Variants in ST8SIA2 observed in about 807,000 individuals in gnomAD.
ST8SIA2 encodes the protein ST8 alpha-N-acetyl-neuraminide alpha-2,8-sialyltransferase 2.
ST8SIA2 carries 22 observed loss-of-function variants against 37.6 expected under a neutral mutation model. That is an observed-to-expected ratio of 0.58 (90% confidence interval 0.42 to 0.83). The LOEUF (loss-of-function observed/expected upper bound fraction) is 0.83, where lower values mean the gene tolerates loss of function less well. ST8SIA2 is among the 40% of genes least tolerant of loss of function. ST8SIA2 has a pLI of 0.00. For synonymous variants in ST8SIA2, 205 were observed against 201.2 expected (o/e 1.02, Z -0.16); for missense variants, 382 against 484.7 (o/e 0.79, Z 1.99).
chr15:92,397,629 G>A (rs539669477), intron 1 of ST8SIA2, among the ~76,000 whole-genome samples: 2 of 152,118 alleles, frequency 1.3e-5, no homozygotes, highest in Non-Finnish European at 1.5e-5. Context: ...GATCCAATTC[G>A]ACCAAGTTGT....
At chr15:92,398,330 T>C (rs2049446926) in intron 1 of ST8SIA2, among the ~76,000 whole-genome samples, 1 of 152,220 alleles carries the variant, frequency 6.6e-6, no homozygotes, top group South Asian at 2.1e-4. Flanking sequence ...AGGTCTCCTC[T>C]TTTGTAACCC....
chr15:92,441,145 C>T (rs907685528), intron 4 of ST8SIA2, among the ~76,000 whole-genome samples: 1 of 152,196 alleles, frequency 6.6e-6, no homozygotes, highest in African/African-American at 2.4e-5. Flanking sequence ...GGGAGAAACA[C>T]AAAGACACGC....
At chr15:92,450,777 G>T (rs1357765266) in intron 5 of ST8SIA2, among the ~76,000 whole-genome samples, 4 of 152,130 alleles carry the variant, frequency 2.6e-5, no homozygotes. Context: ...GATTTGGTGG[G>T]GACACAGATC....
intron 5 of ST8SIA2, among the ~76,000 whole-genome samples, chr15:92,451,049 G>T (rs894615487): frequency 1.3e-5 from 2 of 152,178 alleles, no homozygotes; most frequent in African/African-American, 4.8e-5. Flanking sequence ...ACAGTTTAGG[G>T]AATTGAAGGG....
intron 1 of ST8SIA2, among the ~76,000 whole-genome samples, chr15:92,418,987 C>T (rs2049610277): frequency 1.3e-5 from 2 of 152,080 alleles, no homozygotes; most frequent in African/African-American, 2.4e-5. Context: ...GTCTCTTAGC[C>T]GCAGCATGTT....
chr15:92,401,842 T>G (rs1009680730), intron 1 of ST8SIA2, among the ~76,000 whole-genome samples: 1 of 149,736 alleles, frequency 6.7e-6, no homozygotes. Flanking sequence ...GGCCAAAGGA[T>G]GAAAGAACCC....
intron 5 of ST8SIA2, among the ~76,000 whole-genome samples, chr15:92,451,187 C>T (rs564654454): frequency 6.6e-6 from 1 of 152,310 alleles, no homozygotes; most frequent in East Asian, 1.9e-4. Flanking sequence ...AGGAACTGAA[C>T]TGCATTCTCT....
chr15:92,439,154 CA>C (rs1188657281), intron 4 of ST8SIA2, among the ~76,000 whole-genome samples: 2 of 152,160 alleles, frequency 1.3e-5, no homozygotes, highest in East Asian at 3.9e-4. Flanking sequence ...GAGCCTGGTA[CA>C]AAAGGTTGGT....
chr15:92,430,016 G>C (rs1183092003), intron 1 of ST8SIA2, 33 bp from the exon 2 acceptor site: 18 of 1,613,072 alleles, frequency 1.1e-5, no homozygotes, highest in Admixed American at 5.0e-5. Flanking sequence ...GATGAGCTGG[G>C]TTTATAAATA....
intron 1 of ST8SIA2, among the ~76,000 whole-genome samples, chr15:92,417,865 T>G (rs543078428): frequency 8.5e-5 from 13 of 152,330 alleles, no homozygotes; most frequent in Non-Finnish European, 1.8e-4. Context: ...TAGTGTAATG[T>G]GAGCGGAGAG....
At chr15:92,402,399 T>A (rs1024647259) in intron 1 of ST8SIA2, among the ~76,000 whole-genome samples, 1 of 152,198 alleles carries the variant, frequency 6.6e-6, no homozygotes, top group African/African-American at 2.4e-5. Flanking sequence ...TTTTACAGAT[T>A]AGTGAACTGA....
At chr15:92,432,625 G>A (rs1190955944) in intron 2 of ST8SIA2, among the ~76,000 whole-genome samples, 1 of 152,104 alleles carries the variant, frequency 6.6e-6, no homozygotes, top group Non-Finnish European at 1.5e-5. Flanking sequence ...GTACCCTCTC[G>A]GAAGCTCCCT....
rs137946430 is a variant in ST8SIA2, at chr15:92,468,051, G to A, written c.*3666G>A. 2 of 152,282 alleles carry A rather than the reference G, an allele frequency of 1.3e-5. No homozygotes were observed. The highest frequency in any genetic ancestry group is 4.8e-5 in the African/African-American group (2 of 41,532). 9.4% of individuals were successfully genotyped at this position (152,282 alleles called of 1,614,324 possible). On this transcript the variant is annotated 3_prime_UTR_variant, in exon 6 of 6. Coordinates refer to ENST00000268164, the MANE Select transcript of ST8SIA2 (RefSeq NM_006011.4). ...AGTCTGAGATGCTGACGTTATCTTC[G>A]ACTATTCTTCCCTGTCCTGCCTTGC... is the stretch of plus-strand genomic sequence containing the variant.
In ST8SIA2 at chr15:92,393,999, C is replaced by A; in HGVS notation, c.-66C>A. The A allele has an allele frequency of 2.3e-6, 3 of 1,297,932 alleles. No individual in the cohort carries two copies. Among genetic ancestry groups the A allele is most frequent in the Non-Finnish European group, 3.1e-6 (3 of 959,014 alleles). The allele number at this position is 1,297,932 out of a possible 1,614,324, so 80.4% of individuals were successfully genotyped here. On this transcript the variant is annotated 5_prime_UTR_variant, in exon 1 of 6. Transcript: ENST00000268164. The stretch of plus-strand genomic sequence containing the variant: ...GGCGCGCGGAGGCTCCGGCGTCCGC[C>A]GCTGCGCCCTCCGGCCCCTGCTCCT...
intron 3 of ST8SIA2, among the ~76,000 whole-genome samples, chr15:92,436,110 C>T (rs1016116560): frequency 3.9e-5 from 6 of 152,172 alleles, no homozygotes; most frequent in African/African-American, 1.4e-4. Flanking sequence ...TTAAGGCCCA[C>T]CCGGGTAATC....
At chr15:92,406,994 CAAAA>C (rs1163260963) in intron 1 of ST8SIA2, among the ~76,000 whole-genome samples, 5 of 51,320 alleles carry the variant, frequency 9.7e-5, no homozygotes, top group African/African-American at 2.9e-4. Flanking sequence ...AACCCTGTCT[CAAAA>C]AAAAAAAAAA....
chr15:92,437,131 G>A (rs538169270), intron 3 of ST8SIA2, among the ~76,000 whole-genome samples: 2 of 152,304 alleles, frequency 1.3e-5, no homozygotes, highest in South Asian at 4.2e-4. Context: ...CAAAGTGCAT[G>A]AAAATTCTGC....
intron 1 of ST8SIA2, among the ~76,000 whole-genome samples, chr15:92,394,821 G>T (rs370141125): frequency 2.0e-5 from 3 of 152,174 alleles, no homozygotes; most frequent in Admixed American, 6.5e-5. Flanking sequence ...GCCAAGCCAC[G>T]GCAACCCCGG....
In ST8SIA2 at chr15:92,464,646, G is replaced by A; in HGVS notation, c.*261G>A. On this transcript the variant is annotated 3_prime_UTR_variant, in exon 6 of 6. Transcript: ENST00000268164. ...GGAGAACCCACCTGAACCAGATTGA[G>A]ACTCAATCCATCTTTGGGGGTGGAA... 1.9e-6 allele frequency: 1 copy of A among 516,068 alleles called. No homozygotes were observed. Among genetic ancestry groups the A allele is most frequent in the Non-Finnish European group, 3.5e-6 (1 of 288,600 alleles). 32.0% of individuals were successfully genotyped at this position (516,068 alleles called of 1,614,324 possible).
Sources: allele counts gnomAD v4.1 joint callset (sites outside exome capture counted in the v4.1 genomes callset), GRCh38; gene constraint gnomAD v4.1.1; transcripts MANE v1.5; gene names NCBI Gene and HGNC (gene_info 2026-07-23, HGNC 2026-07-21).